The following CSMD1 variants were observed in gnomAD, a reference collection of about 807,000 sequenced individuals.
The protein encoded by CSMD1 is CUB and Sushi multiple domains 1.
A neutral mutation model predicts 417.5 loss-of-function variants in CSMD1; 213 were observed. The ratio of observed to expected loss-of-function variants is 0.51; its 90% CI spans 0.46 to 0.57. The LOEUF (loss-of-function observed/expected upper bound fraction) is 0.57, where lower values mean the gene tolerates loss of function less well. Among genes scored for constraint, CSMD1 ranks in the 20% least tolerant of loss-of-function variants. The pLI is 0.00. For missense variants in CSMD1, 6,923 were observed against 4,529.7 expected (o/e 1.53, Z -15.17); for synonymous variants, 2,862 against 1,736.8 (o/e 1.65, Z -16.11).
At chr8:3,898,608 G>A (rs1177017061) in intron 5 of CSMD1, among the ~76,000 whole-genome samples, 1 of 152,188 alleles carries the variant, frequency 6.6e-6, no homozygotes, top group African/African-American at 2.4e-5. Flanking sequence ...GGGGCTGAAT[G>A]TTTACTAAAT....
intron 5 of CSMD1, among the ~76,000 whole-genome samples, chr8:3,922,186 T>A (rs1433657957): frequency 6.6e-6 from 1 of 152,146 alleles, no homozygotes; most frequent in Non-Finnish European, 1.5e-5. Flanking sequence ...TATAAAAATA[T>A]AGACAACCCT....
chr8:3,487,528 A>T (rs1818121257), intron 11 of CSMD1, among the ~76,000 whole-genome samples: 1 of 152,174 alleles, frequency 6.6e-6, no homozygotes, highest in Non-Finnish European at 1.5e-5. Flanking sequence ...GGCAGATTTT[A>T]GGAATAGCAT....
At chr8:4,990,187 C>G (rs969743403) in intron 1 of CSMD1, among the ~76,000 whole-genome samples, 1 of 152,122 alleles carries the variant, frequency 6.6e-6, no homozygotes, top group Non-Finnish European at 1.5e-5. Flanking sequence ...CTGTCACTTC[C>G]GAAGAAAGAC....
At chr8:4,782,205 G>A (rs1044485881) in intron 1 of CSMD1, among the ~76,000 whole-genome samples, 12 of 152,168 alleles carry the variant, frequency 7.9e-5, no homozygotes, top group Non-Finnish European at 1.3e-4. Flanking sequence ...ACAGTAGAGT[G>A]ACTCTGCTTA....
At chr8:4,121,375 A>C (rs1802478663) in intron 3 of CSMD1, among the ~76,000 whole-genome samples, 1 of 152,174 alleles carries the variant, frequency 6.6e-6, no homozygotes, top group African/African-American at 2.4e-5. Flanking sequence ...TTGGCCTCCC[A>C]AAGGGCTGGG....
intron 2 of CSMD1, among the ~76,000 whole-genome samples, chr8:4,446,664 T>C (rs1798808839): frequency 1.3e-5 from 2 of 152,078 alleles, no homozygotes; most frequent in South Asian, 4.2e-4. Context: ...AGCCATTCTC[T>C]GTCTCAGTCT....
At chr8:4,030,366 C>G (rs917197270) in intron 4 of CSMD1, among the ~76,000 whole-genome samples, 1 of 152,192 alleles carries the variant, frequency 6.6e-6, no homozygotes, top group Non-Finnish European at 1.5e-5. Context: ...CAAAGGTTCC[C>G]AAACCCAAAT....
chr8:3,120,761 C>T (rs1366053229), intron 41 of CSMD1, among the ~76,000 whole-genome samples: 12 of 151,956 alleles, frequency 7.9e-5, no homozygotes, highest in Admixed American at 4.6e-4. Context: ...GCAGAAGAAT[C>T]GCTTAAACCC....
chr8:3,183,907 A>C (rs536190335), intron 36 of CSMD1, among the ~76,000 whole-genome samples: 4 of 152,348 alleles, frequency 2.6e-5, no homozygotes, highest in African/African-American at 9.6e-5. Context: ...AATTAGTGCA[A>C]TAATCTTCCA....
At chr8:3,566,102 G>T (rs944668524) in intron 10 of CSMD1, among the ~76,000 whole-genome samples, 2 of 152,038 alleles carry the variant, frequency 1.3e-5, no homozygotes, top group East Asian at 3.9e-4. Context: ...AGAAAGGGAA[G>T]GAGGCGGAGA....
intron 3 of CSMD1, among the ~76,000 whole-genome samples, chr8:4,296,028 G>C (rs963544255): frequency 6.6e-6 from 1 of 151,830 alleles, no homozygotes; most frequent in African/African-American, 2.4e-5. Context: ...TCTTAAAAAT[G>C]AAACTGTCTA....
At chr8:4,169,816 C>G (rs775759574) in intron 3 of CSMD1, among the ~76,000 whole-genome samples, 1 of 152,152 alleles carries the variant, frequency 6.6e-6, no homozygotes, top group Non-Finnish European at 1.5e-5. Context: ...GCAGCACTTT[C>G]TGTCTGCCCT....
intron 10 of CSMD1, among the ~76,000 whole-genome samples, chr8:3,543,562 G>C (rs541669503): frequency 6.6e-6 from 1 of 152,112 alleles, no homozygotes; most frequent in Non-Finnish European, 1.5e-5. Flanking sequence ...GAGTGTATGG[G>C]TCTGCTGATG....
Position 3,859,979 on chromosome 8 carries a change from G to C in CSMD1, c.819-105937C>G, listed in dbSNP as rs78113047. Among the ~76,000 whole-genome samples the C allele has an allele frequency of 8.1e-3, 1,228 of 152,264 alleles. 13 individuals carry two copies. The highest frequency in any genetic ancestry group is 0.026 in the African/African-American group (1,065 of 41,520). On this transcript the variant is annotated intron_variant, in intron 5 of 69. Transcript: ENST00000635120. ...AGTCCCAGTGAATTTTCAAGCCTGA[G>C]GGTGGTTTTGGGAAACCCAAACTTG...
intron 10 of CSMD1, among the ~76,000 whole-genome samples, chr8:3,564,369 C>T (rs1239697496): frequency 6.6e-6 from 1 of 152,160 alleles, no homozygotes; most frequent in Non-Finnish European, 1.5e-5. Flanking sequence ...AACTCCTACA[C>T]AAACCTAGAC....
intron 5 of CSMD1, among the ~76,000 whole-genome samples, chr8:3,949,158 C>G (rs1460986728): frequency 6.6e-6 from 1 of 152,128 alleles, no homozygotes; most frequent in Non-Finnish European, 1.5e-5. Flanking sequence ...CTAAATTGAG[C>G]TAATTAACAT....
chr8:3,630,243 G>C lies in CSMD1; in HGVS notation c.1010-13446C>G, dbSNP rs191082822. On this transcript the variant is annotated intron_variant, in intron 7 of 69. Coordinates refer to ENST00000635120, the MANE Select transcript of CSMD1 (RefSeq NM_033225.6). ...CTAGATGGGGGAGCATCAGATTTTG[G>C]ATAGGGTCACAGTTGGACTCTGATG... Among the ~76,000 whole-genome samples the C allele has an allele frequency of 9.2e-5, 14 of 152,280 alleles. No homozygotes were observed. The East Asian group carries it at 1.9e-3, about 21-fold the overall frequency.
chr8:4,334,748 G>A (rs145237592), intron 3 of CSMD1, among the ~76,000 whole-genome samples: 5 of 152,210 alleles, frequency 3.3e-5, no homozygotes, highest in Admixed American at 2.0e-4. Flanking sequence ...CGATACGCTC[G>A]ACTCTACTGT....
intron 49 of CSMD1, among the ~76,000 whole-genome samples, chr8:3,054,685 C>A (rs1246121214): frequency 6.6e-6 from 1 of 152,072 alleles, no homozygotes; most frequent in African/African-American, 2.4e-5. Flanking sequence ...GTACATGTGT[C>A]CATGTGCGCA....
Sources: allele counts gnomAD v4.1 joint callset (sites outside exome capture counted in the v4.1 genomes callset), GRCh38; gene constraint gnomAD v4.1.1; transcripts MANE v1.5; gene names NCBI Gene and HGNC (gene_info 2026-07-23, HGNC 2026-07-21).